The following NCKAP5 variants were observed in gnomAD, a reference collection of about 807,000 sequenced individuals.
NCKAP5 encodes NCK associated protein 5.
NCKAP5 carries 92 observed loss-of-function variants against 167.0 expected under a neutral mutation model. The observed-to-expected ratio is 0.55, with a 90% CI of 0.47 to 0.66. NCKAP5 has a LOEUF of 0.66. Among genes scored for constraint, NCKAP5 ranks in the 30% least tolerant of loss-of-function variants. NCKAP5 has a pLI of 0.00. For missense variants in NCKAP5, 2,378 were observed against 2,315.0 expected, an observed-to-expected ratio of 1.03 and a Z score of -0.56; for synonymous variants, 891 against 877.4, an observed-to-expected ratio of 1.02 and a Z score of -0.27.
the NCKAP5 span, among the ~76,000 whole-genome samples, chr2:133,635,094 G>A: frequency 3.9e-3 from 598 of 152,096 alleles, 1 homozygote; most frequent in Non-Finnish European, 5.1e-3. Flanking sequence ...GGCTGGTCTC[G>A]AAATCCTGAC....
intron 8 of NCKAP5, among the ~76,000 whole-genome samples, chr2:132,940,944 CATT>C (rs1490691482): frequency 6.6e-6 from 1 of 151,794 alleles, no homozygotes; most frequent in Non-Finnish European, 1.5e-5. Context: ...TTAAAAGAAA[CATT>C]AATATTACAT....
the NCKAP5 span, among the ~76,000 whole-genome samples, chr2:133,617,724 C>T: frequency 6.6e-6 from 1 of 151,768 alleles, no homozygotes; most frequent in Non-Finnish European, 1.5e-5. Flanking sequence ...AATGGCCATA[C>T]TGCCCAAGGT....
intron 8 of NCKAP5, among the ~76,000 whole-genome samples, chr2:132,947,080 T>C (rs1034859665): frequency 6.6e-6 from 1 of 152,234 alleles, no homozygotes; most frequent in Non-Finnish European, 1.5e-5. Context: ...TTGTTTTGAA[T>C]AGTTTCTTAT....
intron 19 of NCKAP5, among the ~76,000 whole-genome samples, chr2:132,714,580 A>G (rs573729044): frequency 6.6e-4 from 101 of 152,052 alleles, no homozygotes; most frequent in Admixed American, 5.3e-4. Flanking sequence ...CACTTTGGGA[A>G]GCCGAGGCTG....
chr2:133,297,144 G>A (rs1485579860), intron 4 of NCKAP5, among the ~76,000 whole-genome samples: 1 of 151,236 alleles, frequency 6.6e-6, no homozygotes, highest in Non-Finnish European at 1.5e-5. Flanking sequence ...GTTTCAACCT[G>A]AACTAGTATA....
chr2:133,492,170 T>TG (rs1559524824), intron 3 of NCKAP5, among the ~76,000 whole-genome samples: 4 of 151,486 alleles, frequency 2.6e-5, no homozygotes, highest in Admixed American at 6.6e-5. Context: ...TGTGTGTGTG[T>TG]TAAGGTCTAT....
chr2:132,859,667 C>T (rs373865989), intron 11 of NCKAP5, among the ~76,000 whole-genome samples: 269 of 152,302 alleles, frequency 1.8e-3, no homozygotes, highest in African/African-American at 6.2e-3. Flanking sequence ...AGTGGTGGGC[C>T]GCCCTTTGCA....
At chr2:133,453,021 T>C (rs1002766290) in intron 3 of NCKAP5, among the ~76,000 whole-genome samples, 3 of 152,322 alleles carry the variant, frequency 2.0e-5, no homozygotes, top group South Asian at 4.1e-4. Flanking sequence ...TGAATGTATA[T>C]ACAAAGTAGT....
chr2:132,688,051 C>A (rs184961191), intron 19 of NCKAP5, among the ~76,000 whole-genome samples: 31 of 152,248 alleles, frequency 2.0e-4, no homozygotes, highest in African/African-American at 7.5e-4. Context: ...TGGCTTCCAT[C>A]CCATATGATG....
Position 133,028,069 on chromosome 2 carries a change from G to A in NCKAP5, c.342-33830C>T, listed in dbSNP as rs369767660. Among the ~76,000 whole-genome samples the A allele has an allele frequency of 3.5e-4, 54 of 152,268 alleles. 1 individual carries two copies. The East Asian group carries it at 0.01, about 29-fold the overall frequency. ...TATTTCAGATTTTTGGATTTGGAATGCTCAACCAGTAAGTACAATGCAAAT... is the reference window on the plus strand; with the variant it reads ...TATTTCAGATTTTTGGATTTGGAATACTCAACCAGTAAGTACAATGCAAAT... On this transcript the variant is annotated intron_variant, in intron 6 of 19. Transcript: ENST00000409261.
chr2:133,453,080 CT>C (rs1023718781), intron 3 of NCKAP5, among the ~76,000 whole-genome samples: 8 of 152,072 alleles, frequency 5.3e-5, no homozygotes, highest in African/African-American at 1.9e-4. Context: ...ATTTAAAAAT[CT>C]TCAATTTTAC....
chr2:133,133,016 T>C (rs1447142170), intron 5 of NCKAP5, among the ~76,000 whole-genome samples: 10 of 152,144 alleles, frequency 6.6e-5, no homozygotes, highest in Non-Finnish European at 1.5e-5. Context: ...AGAAAAAATA[T>C]AGTATCAATA....
chr2:133,333,902 C>T (rs753930341), intron 3 of NCKAP5: 4 of 152,090 alleles, frequency 2.6e-5, no homozygotes, highest in African/African-American at 9.7e-5. Flanking sequence ...AAGGATGACA[C>T]CCAAGTTTGT....
intron 6 of NCKAP5, among the ~76,000 whole-genome samples, chr2:133,012,343 G>C (rs1174322980): frequency 6.6e-6 from 1 of 152,080 alleles, no homozygotes; most frequent in African/African-American, 2.4e-5. Context: ...TGCCTCCCAG[G>C]TTCCCGCCAT....
At chr2:133,002,889 T>C (rs1416882821) in intron 6 of NCKAP5, among the ~76,000 whole-genome samples, 1 of 152,208 alleles carries the variant, frequency 6.6e-6, no homozygotes, top group East Asian at 1.9e-4. Context: ...TCACTTCCCA[T>C]AGACCTATGT....
intron 5 of NCKAP5, among the ~76,000 whole-genome samples, chr2:133,137,806 A>T (rs1463971603): frequency 6.6e-6 from 1 of 152,198 alleles, no homozygotes; most frequent in East Asian, 1.9e-4. Flanking sequence ...CGAACAAAGG[A>T]TTCTTAGCAA....
intron 2 of NCKAP5, among the ~76,000 whole-genome samples, chr2:133,531,140 A>AT (rs1685328720): frequency 6.6e-6 from 1 of 152,100 alleles, no homozygotes; most frequent in African/African-American, 2.4e-5. Flanking sequence ...AAGAAAAAAA[A>AT]GGAAGAAGGG....
chr2:132,865,615 A>G (rs939817568), intron 10 of NCKAP5, among the ~76,000 whole-genome samples: 21 of 152,180 alleles, frequency 1.4e-4, no homozygotes, highest in Non-Finnish European at 2.1e-4. Flanking sequence ...CCCTGTGATC[A>G]TAACCAGCCG....
At chr2:133,376,978 T>C (rs1686188513) in intron 3 of NCKAP5, among the ~76,000 whole-genome samples, 1 of 152,198 alleles carries the variant, frequency 6.6e-6, no homozygotes, top group Non-Finnish European at 1.5e-5. Context: ...AGTGTATTCA[T>C]TTGTGGGTAG....
Sources: gnomAD v4.1 joint callset for allele counts (sites outside exome capture counted in the v4.1 genomes callset) on GRCh38, gnomAD v4.1.1 for gene constraint, MANE v1.5 for transcripts, NCBI Gene and HGNC (gene_info 2026-07-23, HGNC 2026-07-21) for gene names.